CDC14B: variants seen among roughly 807,000 people sequenced by gnomAD.
The protein encoded by CDC14B is cell division cycle 14B.
In CDC14B, 22 loss-of-function variants were observed where a neutral mutation model predicts 64.2. The ratio of observed to expected loss-of-function variants is 0.34; its 90% CI spans 0.24 to 0.49. The LOEUF is 0.49. CDC14B is among the 20% of genes least tolerant of loss of function. The probability of loss-of-function intolerance (pLI) is 0.99; values close to 1 mark genes in which losing one functional copy is unlikely to be tolerated. For synonymous variants in CDC14B, 191 were observed against 215.8 expected (o/e 0.89, Z 1.01); for missense variants, 498 against 629.9 (o/e 0.79, Z 2.24).
intron 1 of CDC14B, among the ~76,000 whole-genome samples, chr9:96,609,570 T>C (rs1173028357): frequency 6.6e-6 from 1 of 152,190 alleles, no homozygotes; most frequent in Non-Finnish European, 1.5e-5. Flanking sequence ...ACCATTCATA[T>C]AAATATAGAT....
intron 1 of CDC14B, among the ~76,000 whole-genome samples, chr9:96,579,228 T>C (rs1844990666): frequency 6.6e-6 from 1 of 152,142 alleles, no homozygotes; most frequent in South Asian, 2.1e-4. Flanking sequence ...CTACAGGGAA[T>C]AGGGCCTTTA....
chr9:96,504,040 C>T (rs889064501), intron 13 of CDC14B, among the ~76,000 whole-genome samples: 2 of 152,034 alleles, frequency 1.3e-5, no homozygotes, highest in Non-Finnish European at 1.5e-5. Context: ...AAAACCAATA[C>T]GAGTAAATAA....
At chr9:96,496,304 C>T (rs764337112), downstream of CDC14B, 8 of 514,468 alleles carry the variant, frequency 1.6e-5, no homozygotes, top group East Asian at 1.7e-4. Flanking sequence ...TTGTGGATCC[C>T]GAGCCAGATC....
chr9:96,578,335 C>A (rs970064035), intron 1 of CDC14B, among the ~76,000 whole-genome samples: 1 of 152,220 alleles, frequency 6.6e-6, no homozygotes, highest in Non-Finnish European at 1.5e-5. Flanking sequence ...CTTAACCCCT[C>A]CTTAGTCCCC....
At chr9:96,584,104 G>T (rs542828721) in intron 1 of CDC14B, among the ~76,000 whole-genome samples, 1 of 152,188 alleles carries the variant, frequency 6.6e-6, no homozygotes, top group Non-Finnish European at 1.5e-5. Flanking sequence ...CATAAAAGGG[G>T]TCAGAGTACC....
chr9:96,501,909 C>G lies in CDC14B; in HGVS notation c.*1844G>C, dbSNP rs1833589539. On this transcript the variant is annotated 3_prime_UTR_variant, in exon 14 of 14. Coordinates refer to ENST00000375241, the MANE Select transcript of CDC14B (RefSeq NM_033331.4). ...AGGGATCAGATAGAAGCACGATTTT[C>G]ACAACTACCTGGATTATTATTAATG... 6.6e-6 allele frequency: 1 copy of G among 152,194 alleles called. No homozygotes were observed. Among genetic ancestry groups the G allele is most frequent in the African/African-American group, 2.4e-5 (1 of 41,436 alleles). 9.4% of individuals were successfully genotyped at this position (152,194 alleles called of 1,614,324 possible).
At chr9:96,538,883 C>T (rs576228620) in intron 7 of CDC14B, 195 bp downstream of exon 7, 11 of 525,220 alleles carry the variant, frequency 2.1e-5, no homozygotes, top group East Asian at 6.7e-5. Context: ...TCATCACACA[C>T]GCCAAAAGAC....
At chr9:96,517,171 C>G (rs1835809796) in intron 12 of CDC14B, among the ~76,000 whole-genome samples, 1 of 150,412 alleles carries the variant, frequency 6.6e-6, no homozygotes, top group Admixed American at 6.6e-5. Context: ...GAAACCCCGT[C>G]TCTACTAAAA....
chr9:96,569,904 CAA>C (rs1564361097), intron 1 of CDC14B, among the ~76,000 whole-genome samples: 1 of 152,176 alleles, frequency 6.6e-6, no homozygotes, highest in Non-Finnish European at 1.5e-5. Context: ...GGGCTCTTTA[CAA>C]AGTTTGCTTA....
chr9:96,566,203 C>T (rs532432347), intron 1 of CDC14B, among the ~76,000 whole-genome samples: 125 of 152,104 alleles, frequency 8.2e-4, no homozygotes, highest in Admixed American at 1.4e-3. Context: ...CCTAAAAATC[C>T]TCGGGTGAAA....
intron 13 of CDC14B, among the ~76,000 whole-genome samples, chr9:96,494,776 CCT>C (rs1240352349): frequency 9.1e-5 from 10 of 110,470 alleles, no homozygotes; most frequent in African/African-American, 2.9e-4. Context: ...TCCCCTCCCC[CCT>C]CCCGTCCCCT....
At chr9:96,566,379 T>C (rs961769645) in intron 1 of CDC14B, among the ~76,000 whole-genome samples, 6 of 151,350 alleles carry the variant, frequency 4.0e-5, no homozygotes, top group African/African-American at 1.5e-4. Context: ...TTTTTTGATC[T>C]GCAATTCAAC....
chr9:96,584,156 T>C (rs957150080), intron 1 of CDC14B, among the ~76,000 whole-genome samples: 28 of 152,200 alleles, frequency 1.8e-4, no homozygotes, highest in African/African-American at 6.8e-4. Context: ...GGACGAATCA[T>C]CTGTTTTGTG....
At chr9:96,582,984 T>C (rs73656907) in intron 1 of CDC14B, among the ~76,000 whole-genome samples, 9,046 of 152,218 alleles carry the variant, frequency 0.059, 906 homozygotes, top group African/African-American at 0.2. Context: ...GCAGATCTGG[T>C]GGCAGTTGCT....
chr9:96,523,768 T>C, intron 9 of CDC14B, 43 bp from the exon 10 acceptor site: 1 of 1,590,308 alleles, frequency 6.3e-7, no homozygotes, highest in East Asian at 2.3e-5. Context: ...TGGGCTGATG[T>C]ACTCCAGGAT....
chr9:96,551,743 AT>A, intron 5 of CDC14B, 52 bp downstream of exon 5: 1 of 1,585,238 alleles, frequency 6.3e-7, no homozygotes, highest in East Asian at 2.2e-5. Context: ...CTATCAAGAT[AT>A]TTCTGGCAAG....
At chr9:96,560,713 G>A (rs963537550) in intron 4 of CDC14B, among the ~76,000 whole-genome samples, 9 of 147,950 alleles carry the variant, frequency 6.1e-5, no homozygotes, top group African/African-American at 2.0e-4. Context: ...CTCCCAAGTC[G>A]CTGGGATTAC....
intron 1 of CDC14B, among the ~76,000 whole-genome samples, chr9:96,590,454 A>G (rs1845715146): frequency 6.6e-6 from 1 of 152,212 alleles, no homozygotes; most frequent in Non-Finnish European, 1.5e-5. Flanking sequence ...ACTGGACATA[A>G]GTGTAAAAGT....
At chr9:96,596,756 G>A (rs1846105470) in intron 1 of CDC14B, among the ~76,000 whole-genome samples, 1 of 151,992 alleles carries the variant, frequency 6.6e-6, no homozygotes, top group Middle Eastern at 3.2e-3. Context: ...AGCTACAGGA[G>A]GCTGAGGTGG....
Sources: allele counts gnomAD v4.1 joint callset (sites outside exome capture counted in the v4.1 genomes callset), GRCh38; gene constraint gnomAD v4.1.1; transcripts MANE v1.5; gene names NCBI Gene and HGNC (gene_info 2026-07-23, HGNC 2026-07-21).